Variants in ROBO1 observed in about 807,000 individuals in gnomAD.
The protein encoded by ROBO1 is roundabout guidance receptor 1, also known as roundabout homolog 1.
Under a neutral mutation model 195.9 loss-of-function variants are expected in ROBO1, and 149 were observed. The observed-to-expected ratio is 0.76, with a 90% CI of 0.67 to 0.87. The LOEUF (loss-of-function observed/expected upper bound fraction) is 0.87, where lower values mean the gene tolerates loss of function less well. ROBO1 is among the 40% of genes least tolerant of loss of function. The pLI, the probability that ROBO1 is intolerant of heterozygous loss-of-function variation, is 0.00. For missense variants in ROBO1, 1,933 were observed against 2,068.3 expected (o/e 0.93, Z 1.27); for synonymous variants, 816 against 733.2 (o/e 1.11, Z -1.82).
intron 3 of ROBO1, among the ~76,000 whole-genome samples, chr3:79,091,079 G>A (rs1472105834): frequency 6.6e-6 from 1 of 152,102 alleles, no homozygotes; most frequent in Non-Finnish European, 1.5e-5. Context: ...CAGATTTCGA[G>A]TACAGTATGC....
chr3:78,802,121 C>A (rs539408274), intron 4 of ROBO1, among the ~76,000 whole-genome samples: 5 of 152,170 alleles, frequency 3.3e-5, no homozygotes, highest in Admixed American at 2.6e-4. Flanking sequence ...GGAAGTTATA[C>A]TAAGAAGAGA....
At chr3:79,475,671 T>G (rs2107345231) in intron 2 of ROBO1, among the ~76,000 whole-genome samples, 1 of 152,210 alleles carries the variant, frequency 6.6e-6, no homozygotes, top group Admixed American at 6.6e-5. Context: ...TAGTAGGTTT[T>G]ATTATTGTGT....
intron 1 of ROBO1, among the ~76,000 whole-genome samples, chr3:79,681,064 G>T (rs1946931836): frequency 6.6e-6 from 1 of 151,974 alleles, no homozygotes; most frequent in South Asian, 2.1e-4. Context: ...CCCTTACATG[G>T]ATACCAAATC....
intron 4 of ROBO1, among the ~76,000 whole-genome samples, chr3:78,899,519 T>C (rs1305259186): frequency 5.3e-5 from 8 of 152,214 alleles, no homozygotes; most frequent in African/African-American, 1.9e-4. Flanking sequence ...TGTTAGGCAA[T>C]GTCTAGAAAC....
chr3:79,390,483 A>C (rs931582405), intron 2 of ROBO1, among the ~76,000 whole-genome samples: 1 of 152,160 alleles, frequency 6.6e-6, no homozygotes, highest in Non-Finnish European at 1.5e-5. Context: ...AAGACATATG[A>C]AAAGGATATT....
At chr3:78,607,225 T>G in intron 28 of ROBO1, 184 bp from the exon 29 acceptor site, 1 of 612,666 alleles carries the variant, frequency 1.6e-6, no homozygotes, top group South Asian at 2.2e-5. Flanking sequence ...TTTATTTATT[T>G]ATTCTGAGAC....
At chr3:79,689,609 A>G (rs529922910) in intron 1 of ROBO1, among the ~76,000 whole-genome samples, 1 of 152,156 alleles carries the variant, frequency 6.6e-6, no homozygotes, top group South Asian at 2.1e-4. Context: ...ACAGGAGGAA[A>G]TCAACTAATA....
At chr3:79,464,773 T>G (rs998258828) in intron 2 of ROBO1, among the ~76,000 whole-genome samples, 23 of 152,206 alleles carry the variant, frequency 1.5e-4, no homozygotes, top group Non-Finnish European at 3.2e-4. Context: ...TTGTCACTTA[T>G]GTGCTATGGC....
At chr3:78,601,923 C>T (rs1703193850) in intron 29 of ROBO1, among the ~76,000 whole-genome samples, 1 of 151,984 alleles carries the variant, frequency 6.6e-6, no homozygotes, top group African/African-American at 2.4e-5. Context: ...TTATGAAGCA[C>T]CACAGATATG....
intron 4 of ROBO1, among the ~76,000 whole-genome samples, chr3:78,926,972 G>T (rs1216851035): frequency 6.6e-6 from 1 of 151,880 alleles, no homozygotes; most frequent in Non-Finnish European, 1.5e-5. Flanking sequence ...TGAAATTCTA[G>T]GAAAGAGAAT....
intron 4 of ROBO1, among the ~76,000 whole-genome samples, chr3:78,930,530 A>G (rs2039457541): frequency 6.6e-6 from 1 of 152,208 alleles, no homozygotes; most frequent in African/African-American, 2.4e-5. Flanking sequence ...TGATGGGATG[A>G]AGCATACCAA....
chr3:79,021,387 A>C (rs1472457702), intron 3 of ROBO1, among the ~76,000 whole-genome samples: 2 of 152,224 alleles, frequency 1.3e-5, no homozygotes, highest in East Asian at 1.9e-4. Context: ...TCAAATCCTC[A>C]TATCATTTGA....
intron 2 of ROBO1, among the ~76,000 whole-genome samples, chr3:79,488,859 G>A (rs531299744): frequency 2.0e-5 from 3 of 152,226 alleles, no homozygotes; most frequent in South Asian, 2.1e-4. Flanking sequence ...AAGGAATTAA[G>A]TTTTAATTTG....
chr3:79,025,435 C>T (rs2078185374), intron 3 of ROBO1, among the ~76,000 whole-genome samples: 1 of 152,030 alleles, frequency 6.6e-6, no homozygotes, highest in Non-Finnish European at 1.5e-5. Context: ...GCCAGGGATT[C>T]TTGATTATTT....
intron 1 of ROBO1, among the ~76,000 whole-genome samples, chr3:79,594,789 A>T (rs780623408): frequency 4.6e-5 from 7 of 152,034 alleles, no homozygotes; most frequent in Non-Finnish European, 8.8e-5. Context: ...TGATATCAAC[A>T]TTATCACCAA....
At chr3:79,367,469 GC>G (rs1419900931) in intron 2 of ROBO1, among the ~76,000 whole-genome samples, 1 of 152,196 alleles carries the variant, frequency 6.6e-6, no homozygotes, top group East Asian at 1.9e-4. Flanking sequence ...AAAGATCTAT[GC>G]AAGACTGAAT....
intron 2 of ROBO1, among the ~76,000 whole-genome samples, chr3:79,512,541 T>C (rs1050209458): frequency 6.6e-6 from 1 of 152,170 alleles, no homozygotes; most frequent in Admixed American, 6.6e-5. Flanking sequence ...CCTTTTTACA[T>C]ATTCGAGTTG....
intron 2 of ROBO1, among the ~76,000 whole-genome samples, chr3:79,574,743 A>C (rs1188679109): frequency 6.6e-6 from 1 of 151,830 alleles, no homozygotes; most frequent in Non-Finnish European, 1.5e-5. Context: ...TTACCATATA[A>C]TAAATTTAAT....
At chr3:78,783,546 A>G (rs1559851655) in intron 4 of ROBO1, among the ~76,000 whole-genome samples, 2 of 152,214 alleles carry the variant, frequency 1.3e-5, no homozygotes, top group African/African-American at 4.8e-5. Flanking sequence ...CTAAAACGCT[A>G]TTTTAATCAA....
Sources: gnomAD v4.1 joint callset for allele counts (sites outside exome capture counted in the v4.1 genomes callset) on GRCh38, gnomAD v4.1.1 for gene constraint, MANE v1.5 for transcripts, NCBI Gene and HGNC (gene_info 2026-07-23, HGNC 2026-07-21) for gene names.